LRRC4C: variants seen among roughly 807,000 people sequenced by gnomAD.
LRRC4C encodes the protein leucine-rich repeat-containing protein 4C.
LRRC4C carries 5 observed loss-of-function variants against 33.6 expected under a neutral mutation model. The ratio of observed to expected loss-of-function variants is 0.15; its 90% CI spans 0.08 to 0.31. The LOEUF (loss-of-function observed/expected upper bound fraction) is 0.31, where lower values mean the gene tolerates loss of function less well. Among genes scored for constraint, LRRC4C ranks in the 10% least tolerant of loss-of-function variants. The probability of loss-of-function intolerance (pLI) is 1.00; values close to 1 mark genes in which losing one functional copy is unlikely to be tolerated. For missense variants in LRRC4C, 560 were observed against 796.7 expected (o/e 0.70, Z 3.58); for synonymous variants, 329 against 302.0 (o/e 1.09, Z -0.93).
At chr11:41,012,931 G>T (rs547950556) in intron 1 of LRRC4C, among the ~76,000 whole-genome samples, 56 of 152,180 alleles carry the variant, frequency 3.7e-4, no homozygotes, top group African/African-American at 1.2e-3. Flanking sequence ...TTTAAAATCA[G>T]ATTTTTTTTC....
intron 4 of LRRC4C, among the ~76,000 whole-genome samples, chr11:40,261,087 C>G (rs1310977947): frequency 6.6e-6 from 1 of 152,046 alleles, no homozygotes; most frequent in South Asian, 2.1e-4. Context: ...CACTATGTTG[C>G]CCAGGCTGGT....
chr11:40,900,851 G>GT (rs1592036119), intron 2 of LRRC4C, among the ~76,000 whole-genome samples: 1 of 151,782 alleles, frequency 6.6e-6, no homozygotes, highest in African/African-American at 2.4e-5. Context: ...TTAATTTGTA[G>GT]TTTTTTTCTC....
chr11:40,671,848 C>T (rs1353164655), intron 2 of LRRC4C, among the ~76,000 whole-genome samples: 1 of 151,964 alleles, frequency 6.6e-6, no homozygotes, highest in Non-Finnish European at 1.5e-5. Context: ...TTTCTAAGTA[C>T]ATTCATTGTA....
intron 3 of LRRC4C, among the ~76,000 whole-genome samples, chr11:40,539,234 A>G (rs1015314643): frequency 4.6e-5 from 7 of 152,196 alleles, no homozygotes; most frequent in African/African-American, 1.7e-4. Flanking sequence ...GACCAAAGCA[A>G]ATTATCCATT....
At chr11:40,311,838 G>T (rs1239782703) in intron 4 of LRRC4C, among the ~76,000 whole-genome samples, 2 of 151,748 alleles carry the variant, frequency 1.3e-5, no homozygotes, top group Non-Finnish European at 2.9e-5. Flanking sequence ...CCAGCTACTT[G>T]GGAGGCTGAG....
chr11:40,603,436 A>G (rs1271323156), intron 3 of LRRC4C, among the ~76,000 whole-genome samples: 10 of 152,186 alleles, frequency 6.6e-5, no homozygotes, highest in Admixed American at 6.5e-4. Context: ...CAGCAACAGT[A>G]CATATAAGGT....
chr11:41,129,251 G>A (rs1249758002), intron 1 of LRRC4C, among the ~76,000 whole-genome samples: 6 of 151,772 alleles, frequency 4.0e-5, no homozygotes, highest in African/African-American at 9.7e-5. Context: ...TATATTCTCC[G>A]TACCAACTGC....
chr11:40,967,297 G>A (rs1438791696), intron 1 of LRRC4C, among the ~76,000 whole-genome samples: 1 of 151,914 alleles, frequency 6.6e-6, no homozygotes, highest in Non-Finnish European at 1.5e-5. Flanking sequence ...CTAGGAGCAT[G>A]AATAAATAGT....
intron 2 of LRRC4C, among the ~76,000 whole-genome samples, chr11:40,689,490 A>G (rs1249513038): frequency 1.3e-5 from 2 of 152,150 alleles, no homozygotes; most frequent in African/African-American, 4.8e-5. Context: ...AATAACATTA[A>G]TATAATGAAC....
chr11:41,431,698 A>C (rs1250547343), intron 1 of LRRC4C, among the ~76,000 whole-genome samples: 1 of 152,026 alleles, frequency 6.6e-6, no homozygotes, highest in Non-Finnish European at 1.5e-5. Context: ...TTTCTTATTC[A>C]GAGCTTCTCT....
At position 40,115,894 on chromosome 11, in the gene LRRC4C, G is replaced by T. The variant is rs775386203; in HGVS notation, c.399C>A (p.Asp133Glu). Residue 133 changes from aspartate (D) to glutamate (E), a missense_variant, in exon 7 of 7, where the codon GAC becomes GAA. Asp to Glu is a conservative substitution (Grantham distance 45, BLOSUM62 2). Around this residue, in one of 3 missense-constraint regions of LRRC4C, gnomAD observed 455 missense variants for 643.8 expected, o/e 0.71. Coordinates refer to ENST00000528697, the MANE Select transcript of LRRC4C (RefSeq NM_001258419.2). This position sits in a 1 kb window ranked among gnomAD's most constrained non-coding sequence, Gnocchi z 6.7. ...LANLNTLELF[D>E]NRLTTIPNGA... ...CATTCGGGATGGTAGTAAGACGATT[G>T]TCAAAGAGTTCCAGAGTGTTGAGGT... is the stretch of plus-strand genomic sequence containing the variant. 34 of 1,614,014 alleles carry T rather than the reference G, an allele frequency of 2.1e-5. 1 individual carries two copies. The Admixed American group carries it at 5.2e-4, about 25-fold the overall frequency.
At chr11:40,882,271 C>T (rs1285442062) in intron 2 of LRRC4C, among the ~76,000 whole-genome samples, 1 of 151,952 alleles carries the variant, frequency 6.6e-6, no homozygotes, top group Non-Finnish European at 1.5e-5. Flanking sequence ...TAATAGTTCC[C>T]TATGGATACA....
intron 1 of LRRC4C, among the ~76,000 whole-genome samples, chr11:41,207,170 G>A (rs2136294209): frequency 6.6e-6 from 1 of 152,208 alleles, no homozygotes; most frequent in South Asian, 2.1e-4. Context: ...TTAAGACTGT[G>A]GTTTTCAATT....
intron 2 of LRRC4C, among the ~76,000 whole-genome samples, chr11:40,866,003 A>G (rs1954348008): frequency 6.6e-6 from 1 of 151,856 alleles, no homozygotes; most frequent in Non-Finnish European, 1.5e-5. Context: ...AATTGTCTAT[A>G]TGAGGTTGTA....
intron 1 of LRRC4C, among the ~76,000 whole-genome samples, chr11:40,970,813 T>G (rs1257471223): frequency 1.3e-5 from 2 of 152,038 alleles, no homozygotes; most frequent in Admixed American, 1.3e-4. Flanking sequence ...GGAACTGGAG[T>G]AAAGGTCACT....
At chr11:40,237,329 G>A (rs1197175335) in intron 5 of LRRC4C, among the ~76,000 whole-genome samples, 1 of 152,154 alleles carries the variant, frequency 6.6e-6, no homozygotes, top group East Asian at 1.9e-4. Flanking sequence ...GAAAAAGAGA[G>A]GTCAGCACTT....
chr11:41,341,829 A>G (rs949383329), intron 1 of LRRC4C, among the ~76,000 whole-genome samples: 1 of 152,226 alleles, frequency 6.6e-6, no homozygotes, highest in Admixed American at 6.5e-5. Context: ...CTCAGCAGAG[A>G]TATTTTCCTA....
rs996873817 is a variant in LRRC4C, at chr11:41,211,079, T to A, written c.-496+248352A>T. ...ACACACCTCCTGCTGTGCGGCCTAG[T>A]TCCTAACAGGCCATGAACCAGTACA... On this transcript the variant is annotated intron_variant, in intron 1 of 6. Transcript: ENST00000528697. Among the ~76,000 whole-genome samples the A allele has an allele frequency of 2.0e-5, 3 of 152,172 alleles. No individual in the cohort carries two copies. In the East Asian group the frequency reaches 5.8e-4, roughly 29 times the overall value.
chr11:41,100,577 A>G (rs1941110899), intron 1 of LRRC4C, among the ~76,000 whole-genome samples: 1 of 151,924 alleles, frequency 6.6e-6, no homozygotes, highest in African/African-American at 2.4e-5. Context: ...TCAAAATAAT[A>G]ATAATAATAA....
Sources: gnomAD v4.1 joint callset for allele counts (sites outside exome capture counted in the v4.1 genomes callset) on GRCh38, gnomAD v4.1.1 for gene constraint, gnomAD v4.1.1 regional missense constraint, Gnocchi (gnomAD v3.1) non-coding constraint, MANE v1.5 for transcripts, NCBI Gene and HGNC (gene_info 2026-07-23, HGNC 2026-07-21) for gene names.